The following DOT1L variants were observed in gnomAD, a reference collection of about 807,000 sequenced individuals.
DOT1L encodes DOT1 like histone lysine methyltransferase.
DOT1L carries 33 observed loss-of-function variants against 153.3 expected under a neutral mutation model. The ratio of observed to expected loss-of-function variants is 0.22; its 90% CI spans 0.16 to 0.29. The LOEUF is 0.29. Ranked by LOEUF, DOT1L falls within the 10% of genes least tolerant of loss-of-function variation. The pLI is 1.00. For missense variants in DOT1L, 1,847 were observed against 2,119.9 expected, an observed-to-expected ratio of 0.87 and a Z score of 2.53; for synonymous variants, 1,135 against 965.1, an observed-to-expected ratio of 1.18 and a Z score of -3.26.
At chr19:2,201,806 C>T (rs549882501) in intron 8 of DOT1L, among the ~76,000 whole-genome samples, 2 of 152,262 alleles carry the variant, frequency 1.3e-5, no homozygotes, top group Non-Finnish European at 2.9e-5. Context: ...CTGCCAGCCT[C>T]GCTGCCTTGT....
chr19:2,202,585 T>C (rs2023336246), intron 8 of DOT1L, 115 bp from the exon 9 acceptor site: 7 of 1,013,998 alleles, frequency 6.9e-6, no homozygotes, highest in African/African-American at 3.2e-5. Flanking sequence ...GCCCTGGAGG[T>C]GGCGGGCGGG....
intron 2 of DOT1L, among the ~76,000 whole-genome samples, chr19:2,182,756 G>C (rs1485080275): frequency 6.6e-6 from 1 of 152,138 alleles, no homozygotes; most frequent in Non-Finnish European, 1.5e-5. Flanking sequence ...AGACTTCTGG[G>C]GTCAGAGGAG....
Position 2,193,231 on chromosome 19 carries a change from A to G in DOT1L, c.494-458A>G, listed in dbSNP as rs139271005. On this transcript the variant is annotated intron_variant, in intron 5 of 27. Transcript: ENST00000398665. This position sits in a 1 kb window ranked among gnomAD's most constrained non-coding sequence, Gnocchi z 5.9. ...CCCCTCACTGCCTCTCCCACCCTACATTGAGCCTCAGTCAGATCCTGCTCA... is the reference window on the plus strand; with the variant it reads ...CCCCTCACTGCCTCTCCCACCCTACGTTGAGCCTCAGTCAGATCCTGCTCA... Among the ~76,000 whole-genome samples the G allele has an allele frequency of 5.7e-4, 87 of 152,236 alleles. 1 individual carries two copies. In the East Asian group the frequency reaches 0.015, roughly 26 times the overall value.
intron 2 of DOT1L, among the ~76,000 whole-genome samples, chr19:2,182,159 G>A (rs533176762): frequency 2.0e-4 from 31 of 152,172 alleles, no homozygotes; most frequent in African/African-American, 7.5e-4. Context: ...CCCAGGGGGC[G>A]GAGGTTGCAG....
chr19:2,218,393 A>G (rs531611677), intron 22 of DOT1L, among the ~76,000 whole-genome samples: 20 of 152,238 alleles, frequency 1.3e-4, no homozygotes, highest in African/African-American at 4.8e-4. Flanking sequence ...TTTATTTTTT[A>G]TTTTTTATTT....
intron 1 of DOT1L, among the ~76,000 whole-genome samples, chr19:2,177,337 C>T (rs1386347320): frequency 1.3e-5 from 2 of 152,092 alleles, no homozygotes; most frequent in Admixed American, 1.3e-4. Flanking sequence ...GCTCTTGTCG[C>T]CCAGGCTGGA....
Position 2,164,148 on chromosome 19 carries a change from G to T in DOT1L, c.-37G>T. The T allele has an allele frequency of 4.3e-6, 4 of 930,600 alleles. No homozygotes were observed. The highest frequency in any genetic ancestry group is 2.6e-5 in the African/African-American group (1 of 38,726). The allele number at this position is 930,600 out of a possible 1,614,324, so 57.6% of individuals were successfully genotyped here. On this transcript the variant is annotated 5_prime_UTR_variant, in exon 1 of 28. Transcript: ENST00000398665. ...CGGCGGCCCCGCCCCTCCCCCAACC[G>T]CCCGCCTAGCATGGTGCGGCGGCCG... is the stretch of plus-strand genomic sequence containing the variant.
chr19:2,222,514 C>A lies in DOT1L; in HGVS notation c.3345C>A (p.Gly1115=). ...PKRRALPSVA[G]LFTQPSGSPL... ...GCCGAGCCCTGCCGTCCGTCGCTGG[C>A]CTTTTCACACAGCCTTCGGGGTCTC... The change falls in exon 24 of 28, where the codon GGC becomes GGA. Residue 1115 remains glycine, a synonymous_variant. Coordinates refer to ENST00000398665, the MANE Select transcript of DOT1L (RefSeq NM_032482.3). The surrounding 1 kb of genome is among the most constrained non-coding windows in gnomAD (Gnocchi z 6.5). 1 of 1,572,796 alleles carries A rather than the reference C, an allele frequency of 6.4e-7. No homozygotes were observed. Among genetic ancestry groups the A allele is most frequent in the Non-Finnish European group, 8.6e-7 (1 of 1,162,974 alleles).
chr19:2,210,366 G>A, intron 12 of DOT1L, 34 bp from the exon 13 acceptor site: 1 of 1,480,064 alleles, frequency 6.8e-7, no homozygotes, highest in Non-Finnish European at 9.0e-7. Context: ...GGCAGCGCTG[G>A]GGCTTCCTGT....
intron 1 of DOT1L, among the ~76,000 whole-genome samples, chr19:2,173,469 G>A (rs1347408603): frequency 1.3e-5 from 2 of 152,208 alleles, no homozygotes; most frequent in Non-Finnish European, 2.9e-5. Flanking sequence ...TACACAGCGG[G>A]CCTCCCTGAC....
At chr19:2,165,046 A>G (rs2019856273) in intron 1 of DOT1L, among the ~76,000 whole-genome samples, 1 of 152,196 alleles carries the variant, frequency 6.6e-6, no homozygotes, top group Non-Finnish European at 1.5e-5. Context: ...GAGGCACCCC[A>G]CCGGGTGGTT....
Position 2,230,938 on chromosome 19 carries a change from T to C in DOT1L, c.*1146T>C. The C allele has an allele frequency of 3.7e-6, 1 of 268,008 alleles. No homozygotes were observed. Among genetic ancestry groups the C allele is most frequent in the Non-Finnish European group, 7.0e-6 (1 of 142,710 alleles). The allele number at this position is 268,008 out of a possible 1,614,324, so 16.6% of individuals were successfully genotyped here. On this transcript the variant is annotated 3_prime_UTR_variant, in exon 28 of 28. Coordinates refer to ENST00000398665, the MANE Select transcript of DOT1L (RefSeq NM_032482.3). ...CCTGTGCTGGTTCTCCCAGCTGCTG[T>C]GGGTGTGCTGGGGCCAGGGTGCACT...
In DOT1L at chr19:2,217,747, C is replaced by A. The variant is rs2023958712; in HGVS notation, c.2545-25C>A. ...CCTGGAGGGGTTTGTTGACCCACGA[C>A]TGGGGGTCGGGCCTTCGTCTGCAGG... On this transcript the variant is annotated intron_variant, in intron 21 of 27. Coordinates refer to ENST00000398665, the MANE Select transcript of DOT1L (RefSeq NM_032482.3). The surrounding 1 kb of genome is among the most constrained non-coding windows in gnomAD (Gnocchi z 7.3). 6.3e-7 allele frequency: 1 copy of A among 1,587,776 alleles called. No homozygotes were observed. The highest frequency in any genetic ancestry group is 8.6e-7 in the Non-Finnish European group (1 of 1,168,286).
chr19:2,227,157 C>G (rs201280774), intron 27 of DOT1L, 30 bp downstream of exon 27: 17 of 1,565,668 alleles, frequency 1.1e-5, no homozygotes, highest in Non-Finnish European at 1.4e-5. Flanking sequence ...GTCCGCCCCC[C>G]GCCCCGGCCC....
chr19:2,214,022 CA>C, intron 18 of DOT1L, 36 bp downstream of exon 18: 1 of 1,601,296 alleles, frequency 6.2e-7, no homozygotes, highest in South Asian at 1.1e-5. Context: ...GACGTGGAAC[CA>C]GAGGGGCCCT....
chr19:2,202,787 G>C lies in DOT1L; in HGVS notation c.787+8G>C. 6.2e-7 allele frequency: 1 copy of C among 1,614,176 alleles called. No homozygotes were observed. The highest frequency in any genetic ancestry group is 8.5e-7 in the Non-Finnish European group (1 of 1,179,994). On this transcript the variant is annotated splice_region_variant and intron_variant, in intron 9 of 27. Coordinates refer to ENST00000398665, the MANE Select transcript of DOT1L (RefSeq NM_032482.3). ...TTGCAAACATGAAGGAAGGTAAGGC[G>C]CCCTCCTCGCCGGTCTGTGCTGGTG...
intron 19 of DOT1L, among the ~76,000 whole-genome samples, chr19:2,215,139 G>A (rs947233023): frequency 6.6e-6 from 1 of 152,140 alleles, no homozygotes; most frequent in Non-Finnish European, 1.5e-5. Context: ...CTGGCTCCCA[G>A]GATGGCATCC....
intron 24 of DOT1L, 52 bp from the exon 25 acceptor site, chr19:2,223,229 T>C (rs1450703579): frequency 6.3e-7 from 1 of 1,595,662 alleles, no homozygotes; most frequent in Non-Finnish European, 8.6e-7. Flanking sequence ...CTCTCCTGCC[T>C]TGGGGTCCCG....
At chr19:2,168,905 T>C (rs1024836457) in intron 1 of DOT1L, among the ~76,000 whole-genome samples, 1 of 152,192 alleles carries the variant, frequency 6.6e-6, no homozygotes, top group Admixed American at 6.5e-5. Context: ...TGAGCCACCG[T>C]GCCTGGCCCT....
Sources: gnomAD v4.1 joint callset for allele counts (sites outside exome capture counted in the v4.1 genomes callset) on GRCh38, gnomAD v4.1.1 for gene constraint, Gnocchi (gnomAD v3.1) non-coding constraint, MANE v1.5 for transcripts, NCBI Gene and HGNC (gene_info 2026-07-23, HGNC 2026-07-21) for gene names.